The following PTTG1IP2 variants were observed in gnomAD, a reference collection of about 807,000 sequenced individuals.
The protein encoded by PTTG1IP2 is PTTG1IP family member 2.
rs1348617663 is a variant in PTTG1IP2, at chr7:90,483,490, A to G, written c.193-3837A>G. 7.2e-5 allele frequency among the ~76,000 whole-genome samples: 11 copies of G among 152,146 alleles called. No homozygotes were observed. In the South Asian group the frequency reaches 1.0e-3, roughly 14 times the overall value. On this transcript the variant is annotated intron_variant, in intron 2 of 6. Coordinates refer to ENST00000509356, the MANE Select transcript of PTTG1IP2 (RefSeq NM_001365443.2). Reference sequence around the variant, plus strand: ...GTTCCCTCTATGACAAATCCAGCCTATTTCTGTGCATTGGCTTCCTTCTGA... The same window carrying G: ...GTTCCCTCTATGACAAATCCAGCCTGTTTCTGTGCATTGGCTTCCTTCTGA...
At chr7:90,476,469 T>C (rs1348568760) in intron 1 of PTTG1IP2, among the ~76,000 whole-genome samples, 2 of 152,048 alleles carry the variant, frequency 1.3e-5, no homozygotes, top group Non-Finnish European at 2.9e-5. Flanking sequence ...TAAATGATGA[T>C]AGAAAGATGC....
At chr7:90,498,037 T>G (rs1195130217) in intron 6 of PTTG1IP2, among the ~76,000 whole-genome samples, 1 of 152,138 alleles carries the variant, frequency 6.6e-6, no homozygotes, top group African/African-American at 2.4e-5. Context: ...CCCCCCTTTT[T>G]TTTTTTGAGA....
intron 2 of PTTG1IP2, among the ~76,000 whole-genome samples, chr7:90,485,287 A>G (rs1270300769): frequency 1.3e-5 from 2 of 152,138 alleles, no homozygotes; most frequent in African/African-American, 4.8e-5. Context: ...TTTTCCTAAA[A>G]ATGCTCCTGG....
chr7:90,510,561 C>T (rs1304317810), intron 6 of PTTG1IP2, among the ~76,000 whole-genome samples: 1 of 151,988 alleles, frequency 6.6e-6, no homozygotes, highest in Non-Finnish European at 1.5e-5. Flanking sequence ...ATGTGTGTGT[C>T]TTTAGTTGTT....
intron 6 of PTTG1IP2, among the ~76,000 whole-genome samples, chr7:90,497,433 G>A (rs571690654): frequency 1.6e-4 from 24 of 151,848 alleles, no homozygotes; most frequent in Admixed American, 1.0e-3. Flanking sequence ...GCGTGGCGGC[G>A]GGCGCCTGTA....
intron 6 of PTTG1IP2, among the ~76,000 whole-genome samples, chr7:90,499,899 T>TA (rs1554407599): frequency 6.6e-6 from 1 of 151,854 alleles, no homozygotes; most frequent in African/African-American, 2.4e-5. Flanking sequence ...CTTTTAAAAA[T>TA]AAAACTGTAA....
intron 4 of PTTG1IP2, among the ~76,000 whole-genome samples, chr7:90,489,450 T>G (rs1220651040): frequency 6.6e-6 from 1 of 151,892 alleles, no homozygotes; most frequent in Admixed American, 6.6e-5. Flanking sequence ...ATTTCTCCTG[T>G]TGACTTTGAG....
chr7:90,498,795 G>T (rs1025844040), intron 6 of PTTG1IP2, among the ~76,000 whole-genome samples: 1 of 152,066 alleles, frequency 6.6e-6, no homozygotes, highest in Non-Finnish European at 1.5e-5. Context: ...TCTGGTAATG[G>T]TATTTAACTT....
chr7:90,472,191 C>A, intron 1 of PTTG1IP2, among the ~76,000 whole-genome samples: 1 of 151,734 alleles, frequency 6.6e-6, no homozygotes, highest in East Asian at 1.9e-4. Flanking sequence ...CAGAGCTGTG[C>A]AAGCATTAGT....
At chr7:90,482,509 C>G (rs1014723319) in intron 2 of PTTG1IP2, among the ~76,000 whole-genome samples, 2 of 150,626 alleles carry the variant, frequency 1.3e-5, no homozygotes, top group African/African-American at 4.9e-5. Context: ...TTTACAACCC[C>G]CCCCCCACAC....
At chr7:90,512,691 T>C (rs11563854) in intron 6 of PTTG1IP2, among the ~76,000 whole-genome samples, 18,702 of 152,170 alleles carry the variant, frequency 0.12, 1,780 homozygotes, top group East Asian at 0.5. Flanking sequence ...AGCAAAGACA[T>C]GGGGTTGTGA....
chr7:90,483,238 C>T (rs904394039), intron 2 of PTTG1IP2, among the ~76,000 whole-genome samples: 14 of 152,168 alleles, frequency 9.2e-5, no homozygotes, highest in African/African-American at 3.4e-4. Context: ...TGGCATGATC[C>T]TCCTTTCAGG....
intron 6 of PTTG1IP2, among the ~76,000 whole-genome samples, chr7:90,499,664 A>G (rs1217078577): frequency 4.6e-5 from 7 of 152,100 alleles, no homozygotes; most frequent in Admixed American, 2.6e-4. Flanking sequence ...GCTCACTGCA[A>G]CTTCTGCCTC....
chr7:90,491,624 GAA>G (rs74700057), intron 4 of PTTG1IP2, among the ~76,000 whole-genome samples: 5 of 119,588 alleles, frequency 4.2e-5, no homozygotes, highest in African/African-American at 3.1e-5. Flanking sequence ...CTCCATCTAA[GAA>G]AAAAAAAAAA....
intron 6 of PTTG1IP2, among the ~76,000 whole-genome samples, chr7:90,508,865 A>G (rs1455559693): frequency 6.6e-6 from 1 of 152,030 alleles, no homozygotes; most frequent in Non-Finnish European, 1.5e-5. Context: ...TTCCACACTC[A>G]CTCATCCCTC....
intron 6 of PTTG1IP2, among the ~76,000 whole-genome samples, chr7:90,506,510 C>T (rs1798126377): frequency 6.6e-6 from 1 of 152,134 alleles, no homozygotes; most frequent in African/African-American, 2.4e-5. Context: ...CACCTGTAAT[C>T]CCAGCACTTT....
intron 2 of PTTG1IP2, among the ~76,000 whole-genome samples, chr7:90,482,484 T>C (rs1345016426): frequency 2.0e-5 from 3 of 148,826 alleles, no homozygotes; most frequent in Non-Finnish European, 4.4e-5. Flanking sequence ...CAAAAGCTCA[T>C]TCATAAAAAT....
chr7:90,504,792 C>A (rs1314956422), intron 6 of PTTG1IP2, among the ~76,000 whole-genome samples: 1 of 152,242 alleles, frequency 6.6e-6, no homozygotes, highest in African/African-American at 2.4e-5. Flanking sequence ...ATGAAACCCA[C>A]AACCCCATCA....
At chr7:90,474,577 T>G (rs1409891371) in intron 1 of PTTG1IP2, among the ~76,000 whole-genome samples, 1 of 152,200 alleles carries the variant, frequency 6.6e-6, no homozygotes, top group Non-Finnish European at 1.5e-5. Context: ...TAGAGCACTA[T>G]AGCTGGTTGC....
Sources: allele counts gnomAD v4.1 joint callset (sites outside exome capture counted in the v4.1 genomes callset), GRCh38; gene constraint gnomAD v4.1.1; transcripts MANE v1.5; gene names NCBI Gene and HGNC (gene_info 2026-07-23, HGNC 2026-07-21).